Variants in PWWP2A observed in about 807,000 individuals in gnomAD.
The protein encoded by PWWP2A is PWWP domain containing 2A.
PWWP2A carries 18 observed loss-of-function variants against 48.5 expected under a neutral mutation model. That is an observed-to-expected ratio of 0.37 (90% CI 0.26 to 0.55). The LOEUF (loss-of-function observed/expected upper bound fraction) is 0.55, where lower values mean the gene tolerates loss of function less well. PWWP2A is among the 20% of genes least tolerant of loss of function. The probability of loss-of-function intolerance (pLI) is 0.81; values close to 1 mark genes in which losing one functional copy is unlikely to be tolerated. For synonymous variants in PWWP2A, 396 were observed against 387.7 expected, an observed-to-expected ratio of 1.02 and a Z score of -0.25; for missense variants, 867 against 976.4, an observed-to-expected ratio of 0.89 and a Z score of 1.49.
the PWWP2A span, among the ~76,000 whole-genome samples, chr5:160,051,415 A>G: frequency 6.6e-6 from 1 of 152,194 alleles, no homozygotes; most frequent in Non-Finnish European, 1.5e-5. Context: ...TCTTGCCTGC[A>G]AGAATTTAAG....
At chr5:160,115,070 G>A (rs116712585) in intron 1 of PWWP2A, among the ~76,000 whole-genome samples, 279 of 146,966 alleles carry the variant, frequency 1.9e-3, no homozygotes, top group African/African-American at 6.5e-3. Context: ...CCGGTGGGGC[G>A]CAGAGGATGC....
downstream of PWWP2A, chr5:160,091,328 C>T (rs1387319405): frequency 1.0e-6 from 1 of 974,894 alleles, no homozygotes; most frequent in Non-Finnish European, 1.2e-6. Flanking sequence ...TTGAGAAACA[C>T]ACACAAATAA....
intron 1 of PWWP2A, among the ~76,000 whole-genome samples, chr5:160,105,128 T>A (rs547105967): frequency 6.7e-6 from 1 of 149,090 alleles, no homozygotes; most frequent in Non-Finnish European, 1.5e-5. Flanking sequence ...GTCCCTGCTA[T>A]TCAGAAGGCT....
intron 1 of PWWP2A, among the ~76,000 whole-genome samples, chr5:160,115,489 A>G (rs1758028501): frequency 6.6e-6 from 1 of 151,942 alleles, no homozygotes; most frequent in Non-Finnish European, 1.5e-5. Context: ...GTCAGGAGTT[A>G]GAGACCAGCC....
chr5:160,063,356 C>T (rs1246555221), intron 5 of PWWP2A, among the ~76,000 whole-genome samples: 2 of 152,166 alleles, frequency 1.3e-5, no homozygotes, highest in Non-Finnish European at 2.9e-5. Context: ...GCTGTGACAA[C>T]AGGTGTGTGC....
intron 2 of PWWP2A, among the ~76,000 whole-genome samples, chr5:160,084,657 C>G (rs1754486290): frequency 6.6e-6 from 1 of 151,992 alleles, no homozygotes; most frequent in Non-Finnish European, 1.5e-5. Flanking sequence ...TCTCAAACTC[C>G]TGGACTCAAA....
downstream of PWWP2A, chr5:160,089,611 C>T: frequency 7.8e-7 from 1 of 1,288,594 alleles, no homozygotes; most frequent in African/African-American, 1.5e-5. Flanking sequence ...TCTATAAATT[C>T]TAGAAAGTAA....
At chr5:160,089,606 A>C (rs1257931779), downstream of PWWP2A, 1 of 1,288,714 alleles carries the variant, frequency 7.8e-7, no homozygotes, top group Non-Finnish European at 1.0e-6. Flanking sequence ...CCTGGTCTAT[A>C]AATTCTAGAA....
intron 1 of PWWP2A, among the ~76,000 whole-genome samples, chr5:160,110,418 C>G (rs1470761909): frequency 6.6e-6 from 1 of 152,100 alleles, no homozygotes; most frequent in Non-Finnish European, 1.5e-5. Flanking sequence ...TTTTAGATAT[C>G]TGCACTGGCC....
At chr5:160,074,759 A>C (rs1012096334), downstream of PWWP2A, among the ~76,000 whole-genome samples, 2 of 151,284 alleles carry the variant, frequency 1.3e-5, no homozygotes, top group Non-Finnish European at 3.0e-5. Flanking sequence ...AAAAACAAAA[A>C]AAAAAACAAA....
chr5:160,093,960 T>C lies in PWWP2A; in HGVS notation c.690A>G (p.Glu230=). 1 of 1,614,084 alleles carries C rather than the reference T, an allele frequency of 6.2e-7. No homozygotes were observed. The highest frequency in any genetic ancestry group is 2.2e-5 in the East Asian group (1 of 44,892). Residue 230 remains glutamate, a synonymous_variant, in exon 2 of 2, where the codon GAA becomes GAG. Transcript: ENST00000307063. This position sits in a 1 kb window ranked among gnomAD's most constrained non-coding sequence, Gnocchi z 5.8. ...LQSNTFQEGT[E]VKCEANGAVP... Reference sequence around the variant, plus strand: ...CAGCACCATTTGCTTCACACTTGACTTCTGTCCCTTCTTGGAATGTATTAC... The same window carrying C: ...CAGCACCATTTGCTTCACACTTGACCTCTGTCCCTTCTTGGAATGTATTAC...
At chr5:160,100,240 G>A (rs1318068123) in intron 1 of PWWP2A, among the ~76,000 whole-genome samples, 1 of 152,132 alleles carries the variant, frequency 6.6e-6, no homozygotes, top group East Asian at 1.9e-4. Context: ...GACGGTGGCT[G>A]CAGTGAGTCA....
downstream of PWWP2A, chr5:160,089,450 A>C (rs1754897480): frequency 1.1e-6 from 1 of 946,134 alleles, no homozygotes; most frequent in Non-Finnish European, 1.4e-6. Flanking sequence ...GGCCTCAAGC[A>C]ATCATCCCAC....
At chr5:160,073,105 C>T (rs1376840680), downstream of PWWP2A, among the ~76,000 whole-genome samples, 1 of 151,648 alleles carries the variant, frequency 6.6e-6, no homozygotes, top group Non-Finnish European at 1.5e-5. Context: ...TGGATTTCTA[C>T]ACCTCATTTT....
chr5:160,113,416 C>T (rs989615917), intron 1 of PWWP2A: 2 of 819,884 alleles, frequency 2.4e-6, no homozygotes, highest in African/African-American at 1.9e-5. Context: ...ATATTAAATC[C>T]TGTGTTCTAG....
chr5:160,079,589 TGAAG>T (rs936012314), intron 3 of PWWP2A, among the ~76,000 whole-genome samples: 4 of 152,216 alleles, frequency 2.6e-5, no homozygotes, highest in African/African-American at 4.8e-5. Flanking sequence ...TTTTATAAAC[TGAAG>T]GAAGAAAAGG....
chr5:160,105,742 T>G (rs1243866071), intron 1 of PWWP2A: 2 of 394,584 alleles, frequency 5.1e-6, no homozygotes, highest in African/African-American at 5.2e-5. Flanking sequence ...ACCACTGCAC[T>G]CCAGACTGGG....
the PWWP2A span, among the ~76,000 whole-genome samples, chr5:160,051,690 A>G: frequency 2.6e-5 from 4 of 152,176 alleles, no homozygotes; most frequent in South Asian, 2.1e-4. Flanking sequence ...GGTAGGGCAA[A>G]TGGATTCATT....
At chr5:160,055,139 A>G in the PWWP2A span, among the ~76,000 whole-genome samples, 15 of 152,320 alleles carry the variant, frequency 9.8e-5, no homozygotes, top group Middle Eastern at 3.4e-3. Context: ...TTGATTCCAG[A>G]TAGAAAAGAA....
Sources: gnomAD v4.1 joint callset for allele counts (sites outside exome capture counted in the v4.1 genomes callset) on GRCh38, gnomAD v4.1.1 for gene constraint, Gnocchi (gnomAD v3.1) non-coding constraint, MANE v1.5 for transcripts, NCBI Gene and HGNC (gene_info 2026-07-23, HGNC 2026-07-21) for gene names.